The following IL1RAPL1 variants were observed in gnomAD, a reference collection of about 807,000 sequenced individuals.
IL1RAPL1 encodes the protein interleukin 1 receptor accessory protein like 1, also known as interleukin-1 receptor accessory protein-like 1.
A neutral mutation model predicts 48.4 loss-of-function variants in IL1RAPL1; 3 were observed. The observed-to-expected ratio is 0.06, with a 90% CI of 0.03 to 0.16. The LOEUF is 0.16. Ranked by LOEUF, IL1RAPL1 falls within the 10% of genes least tolerant of loss-of-function variation. IL1RAPL1 has a pLI of 1.00. For synonymous variants in IL1RAPL1, 185 were observed against 187.7 expected, an observed-to-expected ratio of 0.99 and a Z score of 0.12; for missense variants, 349 against 530.6, an observed-to-expected ratio of 0.66 and a Z score of 3.36.
intron 6 of IL1RAPL1, among the ~76,000 whole-genome samples, chrX:29,741,226 CAAAATT>C (rs756478703): frequency 4.5e-5 from 5 of 111,792 alleles, no homozygotes; most frequent in African/African-American, 1.6e-4. Flanking sequence ...TGTAGTTTTC[CAAAATT>C]AAAATTAAAA....
intron 3 of IL1RAPL1, among the ~76,000 whole-genome samples, chrX:29,313,412 C>T (rs1268362564): frequency 9.0e-6 from 1 of 111,524 alleles, no homozygotes; most frequent in Non-Finnish European, 1.9e-5. Flanking sequence ...AAGGGATATT[C>T]TAAAATGTAA....
chrX:29,482,783 C>G (rs1935054626), intron 5 of IL1RAPL1, among the ~76,000 whole-genome samples: 1 of 112,030 alleles, frequency 8.9e-6, no homozygotes, highest in Non-Finnish European at 1.9e-5. Context: ...AATGAACCTT[C>G]CTGTACCCAT....
chrX:29,758,802 AC>A (rs914625682), intron 6 of IL1RAPL1, among the ~76,000 whole-genome samples: 5 of 111,697 alleles, frequency 4.5e-5, no homozygotes, highest in African/African-American at 1.3e-4. Context: ...AAACAAAAAA[AC>A]AAAACAAACA....
intron 2 of IL1RAPL1, among the ~76,000 whole-genome samples, chrX:29,223,508 A>G (rs1473018555): frequency 1.8e-5 from 2 of 110,701 alleles, no homozygotes; most frequent in Non-Finnish European, 3.8e-5. Flanking sequence ...AGTGTCAATA[A>G]AGAATTACAT....
At chrX:29,810,799 T>C (rs1930365489) in intron 6 of IL1RAPL1, among the ~76,000 whole-genome samples, 1 of 111,959 alleles carries the variant, frequency 8.9e-6, no homozygotes, top group Non-Finnish European at 1.9e-5. Context: ...TTTGTTCTTA[T>C]ATTCAATAAT....
chrX:29,727,759 A>G (rs1312069267), intron 6 of IL1RAPL1, among the ~76,000 whole-genome samples: 1 of 111,708 alleles, frequency 9.0e-6, no homozygotes, highest in Non-Finnish European at 1.9e-5. Flanking sequence ...TTTTACAAGC[A>G]ATTGGCAAGT....
chrX:29,268,700 G>T (rs1475379954), intron 2 of IL1RAPL1, among the ~76,000 whole-genome samples: 1 of 111,960 alleles, frequency 8.9e-6, no homozygotes, highest in East Asian at 2.8e-4. Context: ...TGTAAGCTTA[G>T]AATAAAGTGG....
At chrX:28,707,223 A>T (rs971539250) in intron 1 of IL1RAPL1, among the ~76,000 whole-genome samples, 2 of 112,210 alleles carry the variant, frequency 1.8e-5, no homozygotes, top group Admixed American at 1.9e-4. Flanking sequence ...TGGCCCACGC[A>T]AGGGGTAAGC....
At chrX:29,004,089 C>G (rs1276981416) in intron 2 of IL1RAPL1, among the ~76,000 whole-genome samples, 1 of 111,105 alleles carries the variant, frequency 9.0e-6, no homozygotes, top group Non-Finnish European at 1.9e-5. Flanking sequence ...TTGCAGTAAG[C>G]CCAAATCGCA....
chrX:29,731,763 C>T (rs1373252603), intron 6 of IL1RAPL1, among the ~76,000 whole-genome samples: 1 of 111,985 alleles, frequency 8.9e-6, no homozygotes, highest in Non-Finnish European at 1.9e-5. Flanking sequence ...ACTAAGCATG[C>T]TTGAAAAACA....
At chrX:29,907,292 A>G (rs1932652608) in intron 6 of IL1RAPL1, among the ~76,000 whole-genome samples, 1 of 111,241 alleles carries the variant, frequency 9.0e-6, no homozygotes, top group Non-Finnish European at 1.9e-5. Flanking sequence ...TTTTCTTTGT[A>G]TCACTTTCCA....
chrX:28,724,041 G>A (rs1328071525), intron 1 of IL1RAPL1, among the ~76,000 whole-genome samples: 10 of 111,805 alleles, frequency 8.9e-5, no homozygotes, highest in Non-Finnish European at 1.7e-4. Flanking sequence ...GAATAAGTGT[G>A]ATGTGGTGCT....
intron 2 of IL1RAPL1, among the ~76,000 whole-genome samples, chrX:29,148,764 T>C (rs912146492): frequency 8.9e-6 from 1 of 111,760 alleles, no homozygotes; most frequent in African/African-American, 3.2e-5. Context: ...AATGGATAAC[T>C]GAGATGTAGT....
At chrX:29,287,510 A>C (rs995283010) in intron 3 of IL1RAPL1, among the ~76,000 whole-genome samples, 28 of 112,500 alleles carry the variant, frequency 2.5e-4, no homozygotes, top group African/African-American at 8.4e-4. Context: ...ACTATTTTTC[A>C]AAGTAGCTAT....
chrX:29,252,195 G>C (rs1931642992), intron 2 of IL1RAPL1, among the ~76,000 whole-genome samples: 2 of 111,867 alleles, frequency 1.8e-5, no homozygotes, highest in Admixed American at 9.3e-5. Flanking sequence ...CAGCACACCA[G>C]CATGGCACAT....
chrX:29,264,259 A>G (rs916287989), intron 2 of IL1RAPL1, among the ~76,000 whole-genome samples: 1 of 111,887 alleles, frequency 8.9e-6, no homozygotes, highest in Non-Finnish European at 1.9e-5. Context: ...CTATGATTTT[A>G]ATAGAAGCAG....
chrX:29,599,744 A>G lies in IL1RAPL1; in HGVS notation c.704-68686A>G, dbSNP rs189405374. Among the ~76,000 whole-genome samples the G allele has an allele frequency of 2.5e-3, 279 of 111,234 alleles. 1 individual carries two copies. The highest frequency in any genetic ancestry group is 9.2e-3 in the Middle Eastern group (2 of 217). On this transcript the variant is annotated intron_variant, in intron 5 of 10. Coordinates refer to ENST00000378993, the MANE Select transcript of IL1RAPL1 (RefSeq NM_014271.4). ...ATTCTTTTTTCTTTGTCTTTGATGG[A>G]TTGGGTTAATTCAAAAGCCCTGTCT...
At chrX:28,710,260 A>G (rs1429011700) in intron 1 of IL1RAPL1, among the ~76,000 whole-genome samples, 1 of 110,062 alleles carries the variant, frequency 9.1e-6, no homozygotes, top group Non-Finnish European at 1.9e-5. Flanking sequence ...GACAAGAAAC[A>G]ATAAGCAGAA....
intron 3 of IL1RAPL1, among the ~76,000 whole-genome samples, chrX:29,359,734 G>T (rs1428873974): frequency 9.0e-6 from 1 of 111,567 alleles, no homozygotes; most frequent in Non-Finnish European, 1.9e-5. Context: ...TCTCATAAAT[G>T]CAGCCTATCC....
Sources: allele counts gnomAD v4.1 joint callset (sites outside exome capture counted in the v4.1 genomes callset), GRCh38; gene constraint gnomAD v4.1.1; transcripts MANE v1.5; gene names NCBI Gene and HGNC (gene_info 2026-07-23, HGNC 2026-07-21).